Variants in TLK2 observed in about 807,000 individuals in gnomAD.
TLK2 encodes the protein tousled like kinase 2.
A neutral mutation model predicts 117.3 loss-of-function variants in TLK2; 6 were observed. The ratio of observed to expected loss-of-function variants is 0.05; its 90% CI spans 0.03 to 0.10. The LOEUF (loss-of-function observed/expected upper bound fraction) is 0.10. TLK2 is among the 10% of genes least tolerant of loss of function. The pLI is 1.00. For synonymous variants in TLK2, 257 were observed against 316.7 expected, an observed-to-expected ratio of 0.81 and a Z score of 2.00; for missense variants, 299 against 901.2, an observed-to-expected ratio of 0.33 and a Z score of 8.56.
chr17:62,612,305 GCC>G lies in TLK2; in HGVS notation c.2080-85_2080-84del, dbSNP rs879888634. The G allele has an allele frequency of 1.8e-3, 2,533 of 1,434,140 alleles. 2 individuals are homozygous for G. The highest frequency in any genetic ancestry group is 2.2e-3 in the Non-Finnish European group (2,291 of 1,057,834). 88.8% of individuals were successfully genotyped at this position (1,434,140 alleles called of 1,614,324 possible). A position where few individuals can be genotyped will look rare whatever the true frequency, so the allele number is the denominator to read the frequency against. Reference sequence around the variant, plus strand: ...TCTCTTTAGTTGATATTTGCTCTGGGCCCTGGCAGCCGATAGAGAGCCTTAGG... The same window carrying G: ...TCTCTTTAGTTGATATTTGCTCTGGGCTGGCAGCCGATAGAGAGCCTTAGG... On this transcript the variant is annotated intron_variant, in intron 21 of 21. Coordinates refer to ENST00000346027, the MANE Select transcript of TLK2 (RefSeq NM_006852.6).
intron 6 of TLK2, among the ~76,000 whole-genome samples, chr17:62,529,762 G>GT (rs939887134): frequency 6.6e-5 from 10 of 151,760 alleles, no homozygotes; most frequent in Non-Finnish European, 1.5e-4. Context: ...TGTTTAATGT[G>GT]TTTTTTATTT....
upstream of TLK2, among the ~76,000 whole-genome samples, chr17:62,475,724 A>G (rs1425700426): frequency 6.6e-6 from 1 of 150,780 alleles, no homozygotes; most frequent in Non-Finnish European, 1.5e-5. Flanking sequence ...CAGTGGTGTG[A>G]TCTCGGCTCA....
At chr17:62,481,667 T>C (rs1183340479) in intron 2 of TLK2, among the ~76,000 whole-genome samples, 1 of 152,178 alleles carries the variant, frequency 6.6e-6, no homozygotes, top group Non-Finnish European at 1.5e-5. Context: ...TTTGTTGCTC[T>C]TCTCATTCTT....
intron 12 of TLK2, 100 bp downstream of exon 12, chr17:62,573,467 C>A: frequency 6.8e-7 from 1 of 1,469,848 alleles, no homozygotes; most frequent in Non-Finnish European, 9.2e-7. Flanking sequence ...TGAGGTCACT[C>A]AGGTTTAAAC....
intron 20 of TLK2, 45 bp downstream of exon 20, chr17:62,606,286 GGCAC>G: frequency 2.4e-6 from 3 of 1,232,814 alleles, no homozygotes; most frequent in East Asian, 2.4e-5. Flanking sequence ...TTTCTTGGGT[GGCAC>G]ACACACACAC....
intron 7 of TLK2, among the ~76,000 whole-genome samples, chr17:62,542,418 A>G (rs990068960): frequency 1.3e-5 from 2 of 152,180 alleles, no homozygotes; most frequent in Admixed American, 6.6e-5. Context: ...TATTTAATCA[A>G]CTTTAAGTAA....
intron 6 of TLK2, among the ~76,000 whole-genome samples, chr17:62,525,005 T>C (rs1040006920): frequency 2.0e-5 from 3 of 152,190 alleles, no homozygotes; most frequent in South Asian, 2.1e-4. Flanking sequence ...GTCCAAAATA[T>C]CAGTGGTGCC....
intron 16 of TLK2, 130 bp downstream of exon 16, chr17:62,586,356 T>A: frequency 1.6e-6 from 1 of 642,422 alleles, no homozygotes; most frequent in Non-Finnish European, 2.7e-6. Context: ...CCTGAGAGAA[T>A]AAATACATTC....
intron 6 of TLK2, among the ~76,000 whole-genome samples, chr17:62,527,800 T>C (rs2076473663): frequency 6.6e-6 from 1 of 152,016 alleles, no homozygotes; most frequent in Non-Finnish European, 1.5e-5. Context: ...TGGAGTGCAG[T>C]GGTGCGATCT....
intron 16 of TLK2, among the ~76,000 whole-genome samples, chr17:62,589,859 T>C (rs1318143535): frequency 6.6e-6 from 1 of 151,708 alleles, no homozygotes; most frequent in African/African-American, 2.4e-5. Context: ...CAGACTGGAG[T>C]GCAGTGGCGC....
At chr17:62,524,541 A>G (rs1373200009) in intron 6 of TLK2, among the ~76,000 whole-genome samples, 1 of 152,226 alleles carries the variant, frequency 6.6e-6, no homozygotes, top group African/African-American at 2.4e-5. Flanking sequence ...TAATATCTCT[A>G]TATAATAAAT....
intron 2 of TLK2, among the ~76,000 whole-genome samples, chr17:62,481,782 A>G (rs1022670312): frequency 3.3e-5 from 5 of 152,166 alleles, no homozygotes; most frequent in East Asian, 1.9e-4. Flanking sequence ...ATGCATGTTT[A>G]TGTACCCACT....
In TLK2 at chr17:62,517,897, C is replaced by T. The variant is rs181875467; in HGVS notation, c.82-2876C>T. Among the ~76,000 whole-genome samples, 689 of 151,610 alleles carry T rather than the reference C, an allele frequency of 4.5e-3. 8 individuals are homozygous for T. Among genetic ancestry groups the T allele is most frequent in the South Asian group, 0.036 (174 of 4,788 alleles). On this transcript the variant is annotated intron_variant, in intron 2 of 21. Coordinates refer to ENST00000346027, the MANE Select transcript of TLK2 (RefSeq NM_006852.6). Reference sequence around the variant, plus strand: ...AATTTTAGTATAGATGGGATTTCACCGTGTTGGCCAGGCTGGTCTTGAACT... The same window carrying T: ...AATTTTAGTATAGATGGGATTTCACTGTGTTGGCCAGGCTGGTCTTGAACT...
intron 1 of TLK2, among the ~76,000 whole-genome samples, chr17:62,479,965 CTTT>C (rs2071428543): frequency 6.6e-6 from 1 of 152,062 alleles, no homozygotes; most frequent in African/African-American, 2.4e-5. Flanking sequence ...CCTTCTTTTT[CTTT>C]TTGTAAAGAT....
At chr17:62,472,788 C>G (rs2070966553) in intron 1 of TLK2, among the ~76,000 whole-genome samples, 2 of 151,550 alleles carry the variant, frequency 1.3e-5, no homozygotes, top group African/African-American at 2.4e-5. Flanking sequence ...ACAGGTGGAC[C>G]TGGGAGCTGT....
chr17:62,518,922 G>A (rs1337619666), intron 2 of TLK2, among the ~76,000 whole-genome samples: 1 of 152,120 alleles, frequency 6.6e-6, no homozygotes, highest in East Asian at 1.9e-4. Context: ...CTGTCACCCA[G>A]GCTGGAGTGC....
At chr17:62,611,813 C>G (rs1263804060) in intron 21 of TLK2, 1 of 152,230 alleles carries the variant, frequency 6.6e-6, no homozygotes, top group Non-Finnish European at 1.5e-5. Flanking sequence ...AACTGGAATT[C>G]CGTGTGCAAC....
chr17:62,475,804 C>T (rs1487983626), upstream of TLK2, among the ~76,000 whole-genome samples: 7 of 148,780 alleles, frequency 4.7e-5, no homozygotes, highest in African/African-American at 1.7e-4. Context: ...GGACTACAGG[C>T]GCCCGCCACC....
At chr17:62,562,655 A>G (rs2079387417) in intron 10 of TLK2, among the ~76,000 whole-genome samples, 1 of 152,222 alleles carries the variant, frequency 6.6e-6, no homozygotes, top group South Asian at 2.1e-4. Context: ...AAAACCTGAC[A>G]GATCCAAGGG....
Sources: gnomAD v4.1 joint callset for allele counts (sites outside exome capture counted in the v4.1 genomes callset) on GRCh38, gnomAD v4.1.1 for gene constraint, MANE v1.5 for transcripts, NCBI Gene and HGNC (gene_info 2026-07-23, HGNC 2026-07-21) for gene names.